DYM: variants seen among roughly 807,000 people sequenced by gnomAD.
The protein encoded by DYM is dymeclin.
Under a neutral mutation model 93.1 loss-of-function variants are expected in DYM, and 78 were observed. The ratio of observed to expected loss-of-function variants is 0.84; its 90% CI spans 0.70 to 1.01. The LOEUF (loss-of-function observed/expected upper bound fraction) is 1.01. DYM is among the 50% of genes least tolerant of loss of function. DYM has a pLI of 0.00. For missense variants in DYM, 789 were observed against 845.0 expected (o/e 0.93, Z 0.82); for synonymous variants, 321 against 319.7 (o/e 1.00, Z -0.04).
At chr18:49,281,904 G>A (rs1198217388) in intron 10 of DYM, 93 bp downstream of exon 10, 6 of 1,264,440 alleles carry the variant, frequency 4.7e-6, no homozygotes, top group African/African-American at 1.5e-5. Context: ...GTATACATAT[G>A]TAACTAACCT....
chr18:49,132,861 A>G (rs550211253), intron 15 of DYM, among the ~76,000 whole-genome samples: 1 of 152,338 alleles, frequency 6.6e-6, no homozygotes, highest in East Asian at 1.9e-4. Flanking sequence ...AAAAGGAATT[A>G]GGGAAAAGTC....
At chr18:49,229,813 C>T (rs763806504) in intron 13 of DYM, among the ~76,000 whole-genome samples, 1 of 152,170 alleles carries the variant, frequency 6.6e-6, no homozygotes, top group South Asian at 2.1e-4. Context: ...AAATTCTCTA[C>T]ACAAATATTT....
At chr18:49,202,466 G>A (rs1295560641) in intron 14 of DYM, among the ~76,000 whole-genome samples, 4 of 140,496 alleles carry the variant, frequency 2.8e-5, no homozygotes, top group African/African-American at 1.1e-4. Flanking sequence ...CGTCTGGGAT[G>A]TGAGGAGCCC....
At chr18:49,098,983 A>T (rs961609289) in intron 16 of DYM, among the ~76,000 whole-genome samples, 4 of 152,224 alleles carry the variant, frequency 2.6e-5, no homozygotes, top group Non-Finnish European at 4.4e-5. Flanking sequence ...TTTTTCTGAG[A>T]AAAGAATTGG....
intron 8 of DYM, among the ~76,000 whole-genome samples, chr18:49,291,287 T>A (rs752176900): frequency 2.0e-5 from 3 of 152,244 alleles, no homozygotes; most frequent in Non-Finnish European, 4.4e-5. Context: ...TTATTTCTAC[T>A]TTACATTGTA....
Position 49,395,544 on chromosome 18 carries a change from G to A in DYM, c.141-3899C>T, listed in dbSNP as rs192860559. Among the ~76,000 whole-genome samples the A allele has an allele frequency of 4.2e-3, 640 of 152,028 alleles. 2 individuals carry two copies. Among genetic ancestry groups the A allele is most frequent in the Non-Finnish European group, 5.5e-3 (376 of 67,978 alleles). ...CTCAGGAGGCTGAGGCAGGAGAATC[G>A]CTTGAAACTGGGAGGCAGAGGTTGT... On this transcript the variant is annotated intron_variant, in intron 2 of 17. Coordinates refer to ENST00000675505, the MANE Select transcript of DYM (RefSeq NM_001353214.3).
chr18:49,084,227 T>C (rs1406031686), intron 17 of DYM, among the ~76,000 whole-genome samples: 1 of 152,214 alleles, frequency 6.6e-6, no homozygotes. Flanking sequence ...TTATGACCTA[T>C]TAAAAGTATG....
chr18:49,178,277 A>C (rs943134946), intron 14 of DYM, among the ~76,000 whole-genome samples: 1 of 152,168 alleles, frequency 6.6e-6, no homozygotes, highest in Non-Finnish European at 1.5e-5. Context: ...AAAATCTAAG[A>C]GTAGTGTGAC....
At chr18:49,073,652 G>A (rs140596842) in intron 17 of DYM, among the ~76,000 whole-genome samples, 2 of 152,276 alleles carry the variant, frequency 1.3e-5, no homozygotes, top group Non-Finnish European at 2.9e-5. Context: ...GCAAACCCAC[G>A]TCACAGCAGC....
chr18:49,132,351 T>C (rs1453180876), intron 15 of DYM, among the ~76,000 whole-genome samples: 1 of 152,042 alleles, frequency 6.6e-6, no homozygotes, highest in Non-Finnish European at 1.5e-5. Flanking sequence ...ATTTTTTACA[T>C]TGACAACTTA....
In DYM at chr18:49,289,770, T is replaced by C. The variant is rs868011064; in HGVS notation, c.764-3154A>G. On this transcript the variant is annotated intron_variant, in intron 8 of 17. Coordinates refer to ENST00000675505, the MANE Select transcript of DYM (RefSeq NM_001353214.3). Reference sequence around the variant, plus strand: ...ATATATATATATATATATATATATATATACACATATATATATATACACACA... The same window carrying C: ...ATATATATATATATATATATATATACATACACATATATATATATACACACA... Among the ~76,000 whole-genome samples, 186 of 42,678 alleles carry C rather than the reference T, an allele frequency of 4.4e-3. 5 individuals are homozygous for C. The highest frequency in any genetic ancestry group is 0.013 in the South Asian group (18 of 1,358). The allele number at this position is 42,678 out of a possible 152,430, so 28.0% of individuals were successfully genotyped here.
At chr18:49,337,957 T>C (rs2063796016) in intron 6 of DYM, among the ~76,000 whole-genome samples, 1 of 151,860 alleles carries the variant, frequency 6.6e-6, no homozygotes. Flanking sequence ...TCAAACAGAT[T>C]AAAAGAAGGT....
chr18:49,137,807 T>C (rs1423285567), intron 15 of DYM, among the ~76,000 whole-genome samples: 1 of 152,148 alleles, frequency 6.6e-6, no homozygotes, highest in Non-Finnish European at 1.5e-5. Flanking sequence ...ATCACAGAGA[T>C]AGGGAGCAAC....
chr18:49,074,477 C>A (rs112499720), intron 17 of DYM, among the ~76,000 whole-genome samples: 11 of 152,202 alleles, frequency 7.2e-5, no homozygotes, highest in African/African-American at 2.2e-4. Flanking sequence ...CCCATGGATA[C>A]AGAGAGATAA....
intron 8 of DYM, among the ~76,000 whole-genome samples, chr18:49,289,729 A>ATATC (rs2059926177): frequency 5.0e-5 from 1 of 20,160 alleles, no homozygotes; most frequent in Non-Finnish European, 8.6e-5. Flanking sequence ...ATATATGTGT[A>ATATC]TATATATATA....
intron 1 of DYM, among the ~76,000 whole-genome samples, chr18:49,446,874 C>A (rs1334330892): frequency 2.0e-5 from 3 of 151,978 alleles, no homozygotes; most frequent in African/African-American, 4.8e-5. Flanking sequence ...ACCTGGCCAA[C>A]ACGGTGAAAT....
At chr18:49,421,848 C>T (rs78663371) in intron 2 of DYM, among the ~76,000 whole-genome samples, 13,912 of 152,156 alleles carry the variant, frequency 0.091, 861 homozygotes, top group East Asian at 0.31. Context: ...ACAAGAACTA[C>T]GGGACACATG....
At chr18:49,252,392 T>C (rs1180117122) in intron 13 of DYM, among the ~76,000 whole-genome samples, 4 of 150,686 alleles carry the variant, frequency 2.7e-5, no homozygotes, top group East Asian at 2.0e-4. Context: ...GGGAGAAGAG[T>C]GGCACAGCCA....
intron 1 of DYM, among the ~76,000 whole-genome samples, chr18:49,430,926 G>T (rs80351394): frequency 0.08 from 12,077 of 151,196 alleles, 758 homozygotes; most frequent in East Asian, 0.31. Flanking sequence ...ACCTGTCTTA[G>T]CCAATACAAA....
Sources: allele counts gnomAD v4.1 joint callset (sites outside exome capture counted in the v4.1 genomes callset), GRCh38; gene constraint gnomAD v4.1.1; transcripts MANE v1.5; gene names NCBI Gene and HGNC (gene_info 2026-07-23, HGNC 2026-07-21).